The following ACOT4 variants were observed in gnomAD, a reference collection of about 807,000 sequenced individuals.
ACOT4 encodes the protein acyl-CoA thioesterase 4.
A neutral mutation model predicts 17.1 loss-of-function variants in ACOT4; 18 were observed. The observed-to-expected ratio is 1.05, with a 90% CI of 0.73 to 1.56. The LOEUF (loss-of-function observed/expected upper bound fraction) is 1.56, where lower values mean the gene tolerates loss of function less well. Among genes scored for constraint, ACOT4 ranks in the 40% most tolerant of loss-of-function variants. The probability of loss-of-function intolerance (pLI) is 0.00; values close to 1 mark genes in which losing one functional copy is unlikely to be tolerated. For missense variants in ACOT4, 574 were observed against 557.2 expected, an observed-to-expected ratio of 1.03 and a Z score of -0.30; for synonymous variants, 234 against 236.6, an observed-to-expected ratio of 0.99 and a Z score of 0.10.
Position 73,595,275 on chromosome 14 carries a change from G to A in ACOT4, c.887G>A (p.Arg296Lys). The A allele has an allele frequency of 6.2e-7, 1 of 1,614,192 alleles. No homozygotes were observed. The highest frequency in any genetic ancestry group is 1.1e-5 in the South Asian group (1 of 91,086). Residue 296 changes from arginine to lysine, a missense_variant, in exon 3 of 3, where the codon AGG becomes AAG. Arg to Lys is a conservative substitution (Grantham distance 26, BLOSUM62 2). Coordinates refer to ENST00000326303, the MANE Select transcript of ACOT4 (RefSeq NM_152331.4). Reference sequence around the variant, plus strand: ...GGCCTCGTGGACATTGTGGATATAAGGAATGCTCTCGTAGGAGGGTACAAG... The same window carrying A: ...GGCCTCGTGGACATTGTGGATATAAAGAATGCTCTCGTAGGAGGGTACAAG... Reference protein sequence around the residue: ...FSGLVDIVDIRNALVGGYKNP... With the variant: ...FSGLVDIVDIKNALVGGYKNP...
Position 73,592,029 on chromosome 14 carries a change from C to A in ACOT4, c.70C>A (p.Arg24Ser). The stretch of plus-strand genomic sequence containing the variant: ...GAACGAGCCGGTGCGCATTGCCGTG[C>A]GCGGCCTGGCCCCGGAGCAGCGGGT... ...CWNEPVRIAV[R>S]GLAPEQRVTL... is the part of the protein sequence containing the mutation. The change falls in exon 1 of 3, where the codon CGC (arginine) becomes AGC (serine). Residue 24 changes from arginine (R) to serine (S), a missense_variant. Arg to Ser is a moderately radical substitution (Grantham distance 110). Coordinates refer to ENST00000326303, the MANE Select transcript of ACOT4 (RefSeq NM_152331.4). 1 of 1,447,528 alleles carries A rather than the reference C, an allele frequency of 6.9e-7. No individual in the cohort carries two copies. Among genetic ancestry groups the A allele is most frequent in the Non-Finnish European group, 9.1e-7 (1 of 1,101,924 alleles). 89.7% of individuals were successfully genotyped at this position (1,447,528 alleles called of 1,614,324 possible).
Position 73,592,304 on chromosome 14 carries a change from G to A in ACOT4, c.345G>A (p.Glu115=). The part of the protein sequence containing the change: ...ELEVLDGHDP[E]PGRLLCQAQH... ...AGGTGCTGGACGGCCACGACCCCGAGCCTGGACGGCTGCTGTGCCAGGCGC... is the reference window on the plus strand; with the variant it reads ...AGGTGCTGGACGGCCACGACCCCGAACCTGGACGGCTGCTGTGCCAGGCGC... The change falls in exon 1 of 3, where the codon GAG becomes GAA. Residue 115 remains glutamate, a synonymous_variant. Transcript: ENST00000326303. The A allele has an allele frequency of 1.9e-6, 3 of 1,611,504 alleles. No homozygotes were observed. Among genetic ancestry groups the A allele is most frequent in the Non-Finnish European group, 2.5e-6 (3 of 1,178,862 alleles).
In ACOT4 at chr14:73,592,362, C is replaced by G. The variant is rs1890168757; in HGVS notation, c.403C>G (p.Arg135Gly). 4 of 1,580,984 alleles carry G rather than the reference C, an allele frequency of 2.5e-6. No homozygotes were observed. The highest frequency in any genetic ancestry group is 3.4e-6 in the Non-Finnish European group (4 of 1,166,206). The stretch of plus-strand genomic sequence containing the variant: ...GCGCCACTTCCTCCCGCCAGGGGTG[C>G]GGCGCCAGTCGGTGCGAGCGGGCCG... ...HERHFLPPGVRRQSVRAGRVR... is the reference protein window; with the variant it reads ...HERHFLPPGVGRQSVRAGRVR... The change falls in exon 1 of 3, where the codon CGG (arginine) becomes GGG (glycine). Residue 135 changes from arginine (R) to glycine (G), a missense_variant. Physicochemically the swap from Arg to Gly is moderately radical, Grantham distance 125. Transcript: ENST00000326303.
chr14:73,594,696 A>G lies in ACOT4; in HGVS notation c.661-353A>G, dbSNP rs189746236. On this transcript the variant is annotated intron_variant, in intron 2 of 2. Coordinates refer to ENST00000326303, the MANE Select transcript of ACOT4 (RefSeq NM_152331.4). ...AAGTTATTTATTTATTTATTTATTT[A>G]TTTATTTATTTATTTATCTTTTGAG... Among the ~76,000 whole-genome samples, 10 of 151,322 alleles carry G rather than the reference A, an allele frequency of 6.6e-5. No homozygotes were observed. In the East Asian group the frequency reaches 1.4e-3, roughly 20 times the overall value.
chr14:73,592,305 C>T lies in ACOT4; in HGVS notation c.346C>T (p.Pro116Ser), dbSNP rs768008677. The change falls in exon 1 of 3, where the codon CCT (proline) becomes TCT (serine). Residue 116 changes from proline to serine, a missense_variant. Physicochemically the swap from Pro to Ser is moderately conservative, Grantham distance 74. Coordinates refer to ENST00000326303, the MANE Select transcript of ACOT4 (RefSeq NM_152331.4). The part of the protein sequence containing the change: ...LEVLDGHDPE[P>S]GRLLCQAQHE... ...GGTGCTGGACGGCCACGACCCCGAG[C>T]CTGGACGGCTGCTGTGCCAGGCGCA... is the stretch of plus-strand genomic sequence containing the variant. 128 of 1,611,532 alleles carry T rather than the reference C, an allele frequency of 7.9e-5. 1 individual carries two copies. The East Asian group carries it at 2.5e-3, about 31-fold the overall frequency.
intron 1 of ACOT4, among the ~76,000 whole-genome samples, chr14:73,592,799 G>C (rs1210077198): frequency 6.6e-6 from 1 of 152,154 alleles, no homozygotes; most frequent in African/African-American, 2.4e-5. Context: ...GTTGCAGTGA[G>C]CCGAGATCGC....
intron 2 of ACOT4, 95 bp downstream of exon 2, chr14:73,593,999 C>T: frequency 1.7e-6 from 2 of 1,182,022 alleles, no homozygotes; most frequent in Non-Finnish European, 2.3e-6. Context: ...CTCTGTTCCT[C>T]TTTCACAAAG....
chr14:73,595,617 T>C lies in ACOT4; in HGVS notation c.1229T>C (p.Leu410Pro), dbSNP rs924547303. ...KQILAFFCKH[L>P]GGTQKTAVPK... is the part of the protein sequence containing the mutation. ...ATTCTAGCCTTCTTCTGCAAACACC[T>C]GGGAGGTACCCAGAAAACAGCTGTC... Residue 410 changes from leucine (L) to proline (P), a missense_variant, in exon 3 of 3, where the codon CTG (leucine) becomes CCG (proline). Physicochemically the swap from Leu to Pro is moderately conservative, Grantham distance 98. Coordinates refer to ENST00000326303, the MANE Select transcript of ACOT4 (RefSeq NM_152331.4). 12 of 1,539,094 alleles carry C rather than the reference T, an allele frequency of 7.8e-6. No individual in the cohort carries two copies. Among genetic ancestry groups the C allele is most frequent in the Non-Finnish European group, 1.0e-5 (12 of 1,143,436 alleles).
intron 2 of ACOT4, among the ~76,000 whole-genome samples, chr14:73,594,630 C>T (rs1890214719): frequency 6.6e-6 from 1 of 152,164 alleles, no homozygotes; most frequent in African/African-American, 2.4e-5. Context: ...AAGCTAGCAG[C>T]ATCTCTGTTT....
At chr14:73,593,966 C>A in intron 2 of ACOT4, 62 bp downstream of exon 2, 1 of 1,425,576 alleles carries the variant, frequency 7.0e-7, no homozygotes, top group Non-Finnish European at 9.6e-7. Flanking sequence ...AGAGTGTAAC[C>A]TTTACCACGT....
At chr14:73,593,049 C>G (rs1436465728) in intron 1 of ACOT4, among the ~76,000 whole-genome samples, 1 of 152,194 alleles carries the variant, frequency 6.6e-6, no homozygotes, top group South Asian at 2.1e-4. Context: ...CTACAGGCAT[C>G]AGCCTGACTT....
At chr14:73,594,447 TC>T (rs1247614893) in intron 2 of ACOT4, among the ~76,000 whole-genome samples, 8 of 151,948 alleles carry the variant, frequency 5.3e-5, no homozygotes, top group African/African-American at 1.4e-4. Context: ...GCTCAGCGGC[TC>T]AGCGGCTCAG....
Position 73,592,255 on chromosome 14 carries a change from A to G in ACOT4, c.296A>G (p.Gln99Arg), listed in dbSNP as rs770652181. The G allele has an allele frequency of 6.2e-7, 1 of 1,613,286 alleles. No homozygotes were observed. The highest frequency in any genetic ancestry group is 2.2e-5 in the East Asian group (1 of 44,842). Residue 99 changes from glutamine to arginine, a missense_variant, in exon 1 of 3, where the codon CAG becomes CGG. Coordinates refer to ENST00000326303, the MANE Select transcript of ACOT4 (RefSeq NM_152331.4). ...TGGCGCTTCCTGAAGCGGGACGTACAGATTCCTTTTGTCGTGGAGTTGGAG... is the reference window on the plus strand; with the variant it reads ...TGGCGCTTCCTGAAGCGGGACGTACGGATTCCTTTTGTCGTGGAGTTGGAG... ...PFWRFLKRDV[Q>R]IPFVVELEVL... is the part of the protein sequence containing the mutation.
intron 1 of ACOT4, among the ~76,000 whole-genome samples, chr14:73,593,296 A>G (rs1890184709): frequency 6.6e-6 from 1 of 151,752 alleles, no homozygotes; most frequent in Non-Finnish European, 1.5e-5. Flanking sequence ...ATGCAACAGA[A>G]CATAAAGTTT....
Position 73,593,932 on chromosome 14 carries a change from G to A in ACOT4, c.660+28G>A, listed in dbSNP as rs757392851. ...TCTCCTCATGTCCTTTATTTAATCAGTCTCTCTAGAAATATTTCCATAGAG... is the reference window on the plus strand; with the variant it reads ...TCTCCTCATGTCCTTTATTTAATCAATCTCTCTAGAAATATTTCCATAGAG... On this transcript the variant is annotated intron_variant, in intron 2 of 2. Coordinates refer to ENST00000326303, the MANE Select transcript of ACOT4 (RefSeq NM_152331.4). 5.7e-6 allele frequency: 9 copies of A among 1,574,290 alleles called. No homozygotes were observed. In the East Asian group the frequency reaches 1.8e-4, roughly 31 times the overall value.
At position 73,593,840 on chromosome 14, in the gene ACOT4, A is replaced by T; in HGVS notation, c.596A>T (p.Asn199Ile). The part of the protein sequence containing the change: ...AYYNFEDLPN[N>I]MDNISLEYFE... ...TATAACTTTGAAGATCTCCCCAATA[A>T]CATGGACAACATATCCCTGGAGTAC... The change falls in exon 2 of 3, where the codon AAC becomes ATC. Residue 199 changes from asparagine to isoleucine, a missense_variant. By Grantham distance (149) the Asn-to-Ile change is moderately radical (BLOSUM62 -3). Transcript: ENST00000326303. 3.7e-6 allele frequency: 6 copies of T among 1,614,064 alleles called. No individual in the cohort carries two copies. Among genetic ancestry groups the T allele is most frequent in the Non-Finnish European group, 5.1e-6 (6 of 1,179,970 alleles).
chr14:73,595,425 G>A lies in ACOT4; in HGVS notation c.1037G>A (p.Gly346Glu). 1.2e-6 allele frequency: 2 copies of A among 1,614,210 alleles called. No individual in the cohort carries two copies. Among genetic ancestry groups the A allele is most frequent in the Non-Finnish European group, 1.7e-6 (2 of 1,180,026 alleles). ...QTVSERLQAH[G>E]KEKPQIICYP... is the part of the protein sequence containing the mutation. ...GTCTCTGAACGGTTACAGGCCCATG[G>A]AAAGGAAAAACCCCAGATCATCTGT... The change falls in exon 3 of 3, where the codon GGA becomes GAA. Residue 346 changes from glycine to glutamate, a missense_variant. Gly to Glu is a moderately conservative substitution (Grantham distance 98). Transcript: ENST00000326303.
chr14:73,595,537 A>G lies in ACOT4; in HGVS notation c.1149A>G (p.Ile383Met). ...SLHRLLNKHV[I>M]WGGEPRAHSK... Reference sequence around the variant, plus strand: ...ACAGATTACTGAACAAACATGTTATATGGGGTGGGGAGCCCAGGGCTCATT... The same window carrying G: ...ACAGATTACTGAACAAACATGTTATGTGGGGTGGGGAGCCCAGGGCTCATT... The change falls in exon 3 of 3, where the codon ATA (isoleucine) becomes ATG (methionine). Residue 383 changes from isoleucine to methionine, a missense_variant. Ile to Met is a conservative substitution (Grantham distance 10). Coordinates refer to ENST00000326303, the MANE Select transcript of ACOT4 (RefSeq NM_152331.4). 1 of 1,610,786 alleles carries G rather than the reference A, an allele frequency of 6.2e-7. No homozygotes were observed. The highest frequency in any genetic ancestry group is 8.5e-7 in the Non-Finnish European group (1 of 1,177,286).
intron 1 of ACOT4, 106 bp downstream of exon 1, chr14:73,592,522 G>C: frequency 7.6e-7 from 1 of 1,317,062 alleles, no homozygotes; most frequent in Non-Finnish European, 1.0e-6. Flanking sequence ...GATCAGAGAA[G>C]CTAACATTGA....
Sources: gnomAD v4.1 joint callset for allele counts (sites outside exome capture counted in the v4.1 genomes callset) on GRCh38, gnomAD v4.1.1 for gene constraint, MANE v1.5 for transcripts, NCBI Gene and HGNC (gene_info 2026-07-23, HGNC 2026-07-21) for gene names.